Variants in PCDH9 observed in about 807,000 individuals in gnomAD.
PCDH9 encodes protocadherin-9.
In PCDH9, 24 loss-of-function variants were observed where a neutral mutation model predicts 70.6. The ratio of observed to expected loss-of-function variants is 0.34; its 90% CI spans 0.25 to 0.48. The LOEUF is 0.48. Among genes scored for constraint, PCDH9 ranks in the 20% least tolerant of loss-of-function variants. The pLI, the probability that PCDH9 is intolerant of heterozygous loss-of-function variation, is 0.99. For missense variants in PCDH9, 1,281 were observed against 1,503.6 expected, an observed-to-expected ratio of 0.85 and a Z score of 2.45; for synonymous variants, 562 against 558.5, an observed-to-expected ratio of 1.01 and a Z score of -0.09.
intron 2 of PCDH9, among the ~76,000 whole-genome samples, chr13:67,056,272 A>G (rs1474241875): frequency 1.3e-5 from 2 of 152,206 alleles, no homozygotes; most frequent in Non-Finnish European, 2.9e-5. Context: ...ATTAACAAAA[A>G]TGTGATTATT....
intron 2 of PCDH9, chr13:67,225,197 G>A (rs2325027): frequency 0.53 from 709,499 of 1,344,182 alleles, 191,725 homozygotes; most frequent in Non-Finnish European, 0.56. Context: ...ACTGAAAGGA[G>A]AAAATATTCT....
chr13:66,308,264 A>G (rs1955503147), intron 4 of PCDH9, among the ~76,000 whole-genome samples: 1 of 152,064 alleles, frequency 6.6e-6, no homozygotes, highest in Non-Finnish European at 1.5e-5. Flanking sequence ...TTACAGTTAC[A>G]ATTTTATGTA....
chr13:66,449,872 C>G (rs1958171212), intron 4 of PCDH9, among the ~76,000 whole-genome samples: 1 of 151,974 alleles, frequency 6.6e-6, no homozygotes, highest in African/African-American at 2.4e-5. Flanking sequence ...TCTATATATA[C>G]TTATTAGATT....
intron 2 of PCDH9, among the ~76,000 whole-genome samples, chr13:66,913,093 A>T (rs1338008890): frequency 2.0e-5 from 3 of 152,108 alleles, no homozygotes; most frequent in Admixed American, 2.0e-4. Flanking sequence ...AGTGGGTTTA[A>T]AATTCAAGGC....
intron 3 of PCDH9, among the ~76,000 whole-genome samples, chr13:66,730,903 T>TG: frequency 7.4e-6 from 1 of 135,958 alleles, no homozygotes; most frequent in Non-Finnish European, 1.6e-5. Context: ...TTCTTTTTTT[T>TG]TGTGGAGACA....
At chr13:66,801,644 C>G (rs974710491) in intron 3 of PCDH9, among the ~76,000 whole-genome samples, 1 of 151,952 alleles carries the variant, frequency 6.6e-6, no homozygotes, top group African/African-American at 2.4e-5. Context: ...TCTACACAAA[C>G]TAATATGTGA....
chr13:66,854,711 C>A (rs1320598255), intron 3 of PCDH9, among the ~76,000 whole-genome samples: 1 of 151,744 alleles, frequency 6.6e-6, no homozygotes, highest in African/African-American at 2.4e-5. Flanking sequence ...GTTTAATGTT[C>A]CTAAGCACAA....
intron 2 of PCDH9, among the ~76,000 whole-genome samples, chr13:67,134,179 T>TA (rs1183474142): frequency 6.6e-6 from 1 of 152,060 alleles, no homozygotes; most frequent in Non-Finnish European, 1.5e-5. Context: ...TCCAATTAAA[T>TA]AAAAAAACTA....
intron 2 of PCDH9, among the ~76,000 whole-genome samples, chr13:67,041,273 T>C (rs548958498): frequency 3.3e-5 from 5 of 152,168 alleles, no homozygotes; most frequent in African/African-American, 2.4e-5. Context: ...AACTATGAAT[T>C]GTTTATTTCT....
At chr13:67,133,823 G>A (rs190682431) in intron 2 of PCDH9, among the ~76,000 whole-genome samples, 4 of 152,064 alleles carry the variant, frequency 2.6e-5, no homozygotes, top group East Asian at 1.9e-4. Flanking sequence ...CAAAATCAAT[G>A]TTAGAATGAG....
intron 2 of PCDH9, among the ~76,000 whole-genome samples, chr13:66,912,440 G>A (rs1421070980): frequency 3.3e-5 from 5 of 152,020 alleles, no homozygotes; most frequent in East Asian, 1.9e-4. Context: ...GGTGTATAGC[G>A]ATGGGCTCTC....
intron 4 of PCDH9, among the ~76,000 whole-genome samples, chr13:66,507,573 T>C (rs538011786): frequency 2.8e-4 from 42 of 152,264 alleles, no homozygotes; most frequent in African/African-American, 8.7e-4. Flanking sequence ...TTGTAAAGCA[T>C]TGAAGTATTG....
At chr13:66,485,704 T>A (rs1026824009) in intron 4 of PCDH9, among the ~76,000 whole-genome samples, 1 of 152,088 alleles carries the variant, frequency 6.6e-6, no homozygotes, top group Non-Finnish European at 1.5e-5. Flanking sequence ...TTCAACCCTA[T>A]TATTTCATTT....
chr13:67,132,105 T>G (rs1049159354), intron 2 of PCDH9, among the ~76,000 whole-genome samples: 1 of 152,164 alleles, frequency 6.6e-6, no homozygotes, highest in Non-Finnish European at 1.5e-5. Flanking sequence ...TCTAGCAAGT[T>G]GACTTTGATA....
intron 3 of PCDH9, among the ~76,000 whole-genome samples, chr13:66,867,084 T>C (rs1057107836): frequency 1.3e-5 from 2 of 152,012 alleles, no homozygotes; most frequent in Non-Finnish European, 2.9e-5. Flanking sequence ...CAGTTTTGTA[T>C]TTTGAGCTTT....
chr13:66,818,488 T>C (rs539385145), intron 3 of PCDH9, among the ~76,000 whole-genome samples: 3 of 152,198 alleles, frequency 2.0e-5, no homozygotes, highest in Non-Finnish European at 4.4e-5. Context: ...AAACTCATGC[T>C]GTGACATAGT....
At chr13:67,140,108 A>G (rs2087344190) in intron 2 of PCDH9, among the ~76,000 whole-genome samples, 1 of 147,094 alleles carries the variant, frequency 6.8e-6, no homozygotes, top group South Asian at 2.1e-4. Context: ...AGAAAAGAGC[A>G]TGCTTGCTAG....
chr13:66,850,532 AAT>A (rs1455740964), intron 3 of PCDH9, among the ~76,000 whole-genome samples: 105 of 151,332 alleles, frequency 6.9e-4, no homozygotes, highest in African/African-American at 2.5e-3. Context: ...AAAAAAAAAA[AAT>A]GTAAGTTAAA....
chr13:66,940,359 G>A (rs1019439126), intron 2 of PCDH9, among the ~76,000 whole-genome samples: 9 of 152,060 alleles, frequency 5.9e-5, no homozygotes, highest in African/African-American at 1.9e-4. Flanking sequence ...TGTTGTTGTC[G>A]TCATTGCTGT....
Sources: allele counts gnomAD v4.1 joint callset (sites outside exome capture counted in the v4.1 genomes callset), GRCh38; gene constraint gnomAD v4.1.1; transcripts MANE v1.5; gene names NCBI Gene and HGNC (gene_info 2026-07-23, HGNC 2026-07-21).